TRDN: variants seen among roughly 807,000 people sequenced by gnomAD.
TRDN encodes triadin in skeletal muscle.
A neutral mutation model predicts 149.7 loss-of-function variants in TRDN; 161 were observed. That is an observed-to-expected ratio of 1.08 (90% CI 0.95 to 1.23). The LOEUF (loss-of-function observed/expected upper bound fraction) is 1.23. Among genes scored for constraint, TRDN ranks in the 50% most tolerant of loss-of-function variants. The pLI, the probability that TRDN is intolerant of heterozygous loss-of-function variation, is 0.00. For missense variants in TRDN, 896 were observed against 823.5 expected (o/e 1.09, Z -1.08); for synonymous variants, 294 against 250.5 (o/e 1.17, Z -1.64).
chr6:123,500,434 C>T (rs1778648928), intron 8 of TRDN, among the ~76,000 whole-genome samples: 1 of 152,066 alleles, frequency 6.6e-6, no homozygotes. Flanking sequence ...ACCAAGCCTT[C>T]CTGATTTTGA....
intron 24 of TRDN, among the ~76,000 whole-genome samples, chr6:123,294,088 G>T (rs1188981395): frequency 6.6e-6 from 1 of 152,202 alleles, no homozygotes; most frequent in Admixed American, 6.5e-5. Context: ...GGCAAATGTA[G>T]TTTTTGATAA....
intron 23 of TRDN, among the ~76,000 whole-genome samples, chr6:123,324,600 T>C (rs1779372922): frequency 6.6e-6 from 1 of 152,158 alleles, no homozygotes; most frequent in African/African-American, 2.4e-5. Flanking sequence ...AATTCTGCCT[T>C]TTGAATGAGG....
At chr6:123,266,400 AT>A (rs1213145069) in intron 32 of TRDN, among the ~76,000 whole-genome samples, 44 of 106,696 alleles carry the variant, frequency 4.1e-4, no homozygotes, top group African/African-American at 1.8e-3. Flanking sequence ...TATGATATGT[AT>A]TATATATAAT....
chr6:123,510,912 G>A (rs1416620036), intron 7 of TRDN, among the ~76,000 whole-genome samples: 1 of 152,048 alleles, frequency 6.6e-6, no homozygotes, highest in African/African-American at 2.4e-5. Flanking sequence ...CCAGAGTGCT[G>A]GTATTACAGA....
chr6:123,472,717 G>A (rs1777241874), intron 9 of TRDN, among the ~76,000 whole-genome samples: 1 of 152,208 alleles, frequency 6.6e-6, no homozygotes, highest in Non-Finnish European at 1.5e-5. Flanking sequence ...GGCTCTCCCA[G>A]CACGCAGCTG....
In TRDN at chr6:123,299,300, G is replaced by T. The variant is rs190450827; in HGVS notation, c.1510+17157C>A. 5.5e-3 allele frequency among the ~76,000 whole-genome samples: 840 copies of T among 152,136 alleles called. 16 individuals are homozygous for T. The highest frequency in any genetic ancestry group is 0.034 in the Admixed American group (516 of 15,246). Reference sequence around the variant, plus strand: ...GAGCACAGTAAAATGTCTGAATCTTGATGGACATGGCTAAAGTAGTCAAGC... The same window carrying T: ...GAGCACAGTAAAATGTCTGAATCTTTATGGACATGGCTAAAGTAGTCAAGC... On this transcript the variant is annotated intron_variant, in intron 24 of 40. Coordinates refer to ENST00000334268, the MANE Select transcript of TRDN (RefSeq NM_006073.4).
chr6:123,579,865 C>A (rs192150531), intron 1 of TRDN, among the ~76,000 whole-genome samples: 5 of 152,136 alleles, frequency 3.3e-5, no homozygotes, highest in African/African-American at 7.2e-5. Context: ...GGCTCTGCCC[C>A]CTCCCTCACT....
chr6:123,399,007 C>T (rs1029210562), intron 12 of TRDN, among the ~76,000 whole-genome samples: 6 of 152,042 alleles, frequency 3.9e-5, no homozygotes, highest in Non-Finnish European at 7.4e-5. Context: ...ATCTAAGTAG[C>T]TTTTACCTTA....
chr6:123,587,763 AG>A (rs1350809801), intron 1 of TRDN, among the ~76,000 whole-genome samples: 90 of 121,546 alleles, frequency 7.4e-4, no homozygotes, highest in African/African-American at 2.7e-3. Context: ...GTAAAGCAAA[AG>A]GGGGGGTTGT....
chr6:123,558,637 A>G (rs1781808603), intron 2 of TRDN, among the ~76,000 whole-genome samples: 1 of 152,188 alleles, frequency 6.6e-6, no homozygotes, highest in South Asian at 2.1e-4. Flanking sequence ...TATTCTCAAT[A>G]TACATTTTAT....
rs549126675 is a variant in TRDN, at chr6:123,414,731, C to T, written c.1052-21054G>A. On this transcript the variant is annotated intron_variant, in intron 12 of 40. Transcript: ENST00000334268. ...TTTAGTGATTCGCATAATAGTTTTGCCAAAATTTCTCTCTTTAAGTATTCT... is the reference window on the plus strand; with the variant it reads ...TTTAGTGATTCGCATAATAGTTTTGTCAAAATTTCTCTCTTTAAGTATTCT... 1.6e-3 allele frequency among the ~76,000 whole-genome samples: 240 copies of T among 152,040 alleles called. 1 individual carries two copies. Among genetic ancestry groups the T allele is most frequent in the Admixed American group, 2.4e-3 (37 of 15,258 alleles).
chr6:123,251,913 A>G (rs748565738), intron 38 of TRDN, among the ~76,000 whole-genome samples: 4 of 151,976 alleles, frequency 2.6e-5, no homozygotes, highest in Non-Finnish European at 5.9e-5. Context: ...TAGGTTTCTT[A>G]GATATACAAT....
At chr6:123,602,761 G>A (rs913539552) in intron 1 of TRDN, among the ~76,000 whole-genome samples, 5 of 151,946 alleles carry the variant, frequency 3.3e-5, no homozygotes, top group African/African-American at 1.2e-4. Context: ...ACTTATGGTG[G>A]AAAGAGCACC....
chr6:123,564,636 G>A (rs1471881689), intron 2 of TRDN, among the ~76,000 whole-genome samples: 7 of 152,296 alleles, frequency 4.6e-5, no homozygotes, highest in Middle Eastern at 3.4e-3. Context: ...ATCAGGAGAT[G>A]TCTGCAAGAC....
intron 33 of TRDN, among the ~76,000 whole-genome samples, chr6:123,262,101 T>C (rs1196197720): frequency 1.3e-5 from 2 of 152,018 alleles, no homozygotes; most frequent in African/African-American, 4.8e-5. Flanking sequence ...CACTGTTTAT[T>C]GTTGCATATT....
chr6:123,456,223 A>AATGG (rs1776111432), intron 10 of TRDN, among the ~76,000 whole-genome samples: 1 of 152,142 alleles, frequency 6.6e-6, no homozygotes. Flanking sequence ...AAATTTGCCT[A>AATGG]ATGGATATCC....
intron 39 of TRDN, among the ~76,000 whole-genome samples, chr6:123,223,267 C>G (rs1352431210): frequency 6.6e-6 from 1 of 151,626 alleles, no homozygotes; most frequent in Non-Finnish European, 1.5e-5. Context: ...ACGGGAGGAA[C>G]AGACACTGAG....
chr6:123,518,953 C>G (rs1292941430), intron 5 of TRDN, among the ~76,000 whole-genome samples: 1 of 152,152 alleles, frequency 6.6e-6, no homozygotes, highest in African/African-American at 2.4e-5. Context: ...GGTAATCACT[C>G]TAAAATAAAA....
At chr6:123,339,572 T>C (rs1779995272) in intron 21 of TRDN, among the ~76,000 whole-genome samples, 1 of 152,222 alleles carries the variant, frequency 6.6e-6, no homozygotes, top group African/African-American at 2.4e-5. Context: ...CAACCTACAG[T>C]ATTCCTTATA....
Sources: gnomAD v4.1 joint callset for allele counts (sites outside exome capture counted in the v4.1 genomes callset) on GRCh38, gnomAD v4.1.1 for gene constraint, MANE v1.5 for transcripts, NCBI Gene and HGNC (gene_info 2026-07-23, HGNC 2026-07-21) for gene names.